The following DNTTIP1 variants were observed in gnomAD, a reference collection of about 807,000 sequenced individuals.
DNTTIP1 encodes deoxynucleotidyltransferase terminal-interacting protein 1.
A neutral mutation model predicts 52.9 loss-of-function variants in DNTTIP1; 22 were observed. The observed-to-expected ratio is 0.42, with a 90% confidence interval of 0.30 to 0.59. The LOEUF (loss-of-function observed/expected upper bound fraction) is 0.59. DNTTIP1 is among the 20% of genes least tolerant of loss of function. The pLI is 0.22. For synonymous variants in DNTTIP1, 136 were observed against 155.1 expected, an observed-to-expected ratio of 0.88 and a Z score of 0.92; for missense variants, 286 against 435.5, an observed-to-expected ratio of 0.66 and a Z score of 3.06.
intron 11 of DNTTIP1, among the ~76,000 whole-genome samples, chr20:45,810,586 T>C (rs1007413085): frequency 9.4e-5 from 14 of 148,574 alleles, no homozygotes; most frequent in African/African-American, 3.5e-4. Context: ...TTTTTTTTTT[T>C]TTTTTCTTAA....
chr20:45,808,124 T>A (rs1044965817), intron 10 of DNTTIP1, among the ~76,000 whole-genome samples: 10 of 151,944 alleles, frequency 6.6e-5, no homozygotes, highest in African/African-American at 2.4e-4. Flanking sequence ...AGTGGGTGGA[T>A]CAGTTGAGGC....
Position 45,809,988 on chromosome 20 carries a change from A to C in DNTTIP1, c.795+803A>C, listed in dbSNP as rs1294390393. 6.6e-6 allele frequency among the ~76,000 whole-genome samples: 1 copy of C among 152,202 alleles called. No homozygotes were observed. Among genetic ancestry groups the C allele is most frequent in the Non-Finnish European group, 1.5e-5 (1 of 68,042 alleles). ...GAAATAGATGGTAGGGGGTGGGGGC[A>C]GGACCTAAAATTAAGCCACCAGTAA... On this transcript the variant is annotated intron_variant, in intron 11 of 12. Transcript: ENST00000372622. This position sits in a 1 kb window ranked among gnomAD's most constrained non-coding sequence, Gnocchi z 4.2.
chr20:45,806,546 G>A (rs1362853931), intron 10 of DNTTIP1, among the ~76,000 whole-genome samples: 1 of 152,204 alleles, frequency 6.6e-6, no homozygotes, highest in Non-Finnish European at 1.5e-5. Context: ...TAGATTAGAA[G>A]AATAGCAGTG....
At chr20:45,797,388 A>T (rs1981275772) in intron 4 of DNTTIP1, among the ~76,000 whole-genome samples, 1 of 152,158 alleles carries the variant, frequency 6.6e-6, no homozygotes, top group South Asian at 2.1e-4. Flanking sequence ...CTAGAAGAAA[A>T]CCTAGGCAAT....
At chr20:45,801,511 G>A (rs1981470797) in intron 6 of DNTTIP1, 53 bp downstream of exon 6, 2 of 1,595,740 alleles carry the variant, frequency 1.3e-6, no homozygotes, top group African/African-American at 1.3e-5. Context: ...TGTCAGGCCG[G>A]GTGTGGTGGC....
chr20:45,802,595 G>A (rs554597246), intron 7 of DNTTIP1, among the ~76,000 whole-genome samples: 2 of 152,008 alleles, frequency 1.3e-5, no homozygotes, highest in East Asian at 1.9e-4. Flanking sequence ...CCCCATTATC[G>A]ACATCAGGCA....
chr20:45,805,959 A>G (rs903904375), intron 10 of DNTTIP1, among the ~76,000 whole-genome samples: 2 of 151,272 alleles, frequency 1.3e-5, no homozygotes, highest in African/African-American at 4.9e-5. Flanking sequence ...GCTCATGCCT[A>G]TAATTCCAGC....
rs1220042312 is a variant in DNTTIP1 at position 45,801,274 on chromosome 20, A to T, written c.442-128A>T. 12 of 1,379,048 alleles carry T rather than the reference A, an allele frequency of 8.7e-6. No individual in the cohort carries two copies. In the Admixed American group the frequency reaches 1.2e-4, roughly 14 times the overall value. 85.4% of individuals were successfully genotyped at this position (1,379,048 alleles called of 1,614,324 possible). A position where few individuals can be genotyped will look rare whatever the true frequency, so the allele number is the denominator to read the frequency against. On this transcript the variant is annotated intron_variant, in intron 5 of 12. Transcript: ENST00000372622. The stretch of plus-strand genomic sequence containing the variant: ...CCAGGCCCACACAGCATCATGCTGG[A>T]TGGGCTTCTTTGGCCTGGGTCAGAG...
At chr20:45,796,236 T>C (rs545778201) in intron 4 of DNTTIP1, among the ~76,000 whole-genome samples, 7 of 152,334 alleles carry the variant, frequency 4.6e-5, no homozygotes, top group African/African-American at 1.7e-4. Context: ...CACAAAATGG[T>C]AGTGGTGGAT....
At position 45,792,014 on chromosome 20, in the gene DNTTIP1, A is replaced by T. The variant is rs753122969; in HGVS notation, c.10A>T (p.Thr4Ser). 2.1e-5 allele frequency: 27 copies of T among 1,265,266 alleles called. No homozygotes were observed. The African/African-American group carries it at 4.1e-4, about 19-fold the overall frequency. The allele number at this position is 1,265,266 out of a possible 1,614,324, so 78.4% of individuals were successfully genotyped here. Residue 4 changes from threonine to serine, a missense_variant, in exon 1 of 13, where the codon ACT (threonine) becomes TCT (serine). Transcript: ENST00000372622. The part of the protein sequence containing the change: MGA[T>S]GDAEQPRGPS... ...GGGGGCCGGGGGCGCCATGGGAGCCACTGGCGACGCCGAGCAGCCGCGGGG... is the reference window on the plus strand; with the variant it reads ...GGGGGCCGGGGGCGCCATGGGAGCCTCTGGCGACGCCGAGCAGCCGCGGGG...
chr20:45,806,598 G>T (rs988551587), intron 10 of DNTTIP1, among the ~76,000 whole-genome samples: 2 of 152,234 alleles, frequency 1.3e-5, no homozygotes, highest in African/African-American at 4.8e-5. Flanking sequence ...TATACGTAAG[G>T]CTTGGCACCT....
intron 4 of DNTTIP1, 145 bp from the exon 5 acceptor site, chr20:45,800,929 G>A (rs1981445531): frequency 1.5e-6 from 1 of 677,078 alleles, no homozygotes; most frequent in Admixed American, 2.4e-5. Context: ...AGGAGATGGA[G>A]GTTGCAGAGA....
intron 4 of DNTTIP1, among the ~76,000 whole-genome samples, chr20:45,800,774 A>C (rs1981439495): frequency 1.5e-5 from 2 of 134,328 alleles, no homozygotes; most frequent in African/African-American, 2.8e-5. Context: ...TGGGCCGATC[A>C]CTTGAGGTCA....
intron 4 of DNTTIP1, among the ~76,000 whole-genome samples, chr20:45,796,866 G>A (rs906721987): frequency 3.9e-5 from 6 of 152,008 alleles, no homozygotes; most frequent in Admixed American, 1.3e-4. Flanking sequence ...GGATCATTTC[G>A]CGTTTCTTGG....
At chr20:45,803,214 G>A in intron 7 of DNTTIP1, 119 bp from the exon 8 acceptor site, 1 of 954,794 alleles carries the variant, frequency 1.0e-6, no homozygotes, top group Non-Finnish European at 1.6e-6. Context: ...TCACCACGAA[G>A]GAGGATGTCC....
intron 4 of DNTTIP1, among the ~76,000 whole-genome samples, chr20:45,798,462 C>A (rs1391967567): frequency 6.6e-6 from 1 of 151,982 alleles, no homozygotes; most frequent in East Asian, 1.9e-4. Context: ...TGCACATGTA[C>A]CCTAAAACTT....
chr20:45,809,749 C>A lies in DNTTIP1; in HGVS notation c.795+564C>A, dbSNP rs546310858. The stretch of plus-strand genomic sequence containing the variant: ...CTATTGTTGAGGGCTTTGTCCATCA[C>A]ACACAATGTCCCCCACCTGAGGACT... On this transcript the variant is annotated intron_variant, in intron 11 of 12. Coordinates refer to ENST00000372622, the MANE Select transcript of DNTTIP1 (RefSeq NM_052951.3). This position sits in a 1 kb window ranked among gnomAD's most constrained non-coding sequence, Gnocchi z 4.2. 4.6e-5 allele frequency among the ~76,000 whole-genome samples: 7 copies of A among 152,360 alleles called. No individual in the cohort carries two copies. In the South Asian group the frequency reaches 1.4e-3, roughly 32 times the overall value.
rs1487305497 is a variant in DNTTIP1, at chr20:45,809,936, A to C, written c.795+751A>C. Among the ~76,000 whole-genome samples, 1 of 152,212 alleles carries C rather than the reference A, an allele frequency of 6.6e-6. No homozygotes were observed. Among genetic ancestry groups the C allele is most frequent in the African/African-American group, 2.4e-5 (1 of 41,444 alleles). ...AAAAGATTTCAGGTAAGCTTCATGCACATAAAATGCAACATTACATAAATA... is the reference window on the plus strand; with the variant it reads ...AAAAGATTTCAGGTAAGCTTCATGCCCATAAAATGCAACATTACATAAATA... On this transcript the variant is annotated intron_variant, in intron 11 of 12. Transcript: ENST00000372622. This position sits in a 1 kb window ranked among gnomAD's most constrained non-coding sequence, Gnocchi z 4.2.
At chr20:45,802,753 C>T (rs1981516301) in intron 7 of DNTTIP1, among the ~76,000 whole-genome samples, 2 of 152,162 alleles carry the variant, frequency 1.3e-5, no homozygotes, top group South Asian at 2.1e-4. Context: ...TCTAGTATCA[C>T]ACTGAGTGCT....
Sources: allele counts gnomAD v4.1 joint callset (sites outside exome capture counted in the v4.1 genomes callset), GRCh38; gene constraint gnomAD v4.1.1; non-coding constraint Gnocchi (gnomAD v3.1); transcripts MANE v1.5; gene names NCBI Gene and HGNC (gene_info 2026-07-23, HGNC 2026-07-21).